Variants in ETV5 observed in about 807,000 individuals in gnomAD.
ETV5 encodes ETS translocation variant 5.
ETV5 carries 10 observed loss-of-function variants against 70.0 expected under a neutral mutation model. The observed-to-expected ratio is 0.14, with a 90% CI of 0.09 to 0.24. The LOEUF (loss-of-function observed/expected upper bound fraction) is 0.24. ETV5 is among the 10% of genes least tolerant of loss of function. ETV5 has a pLI of 1.00. For missense variants in ETV5, 453 were observed against 651.2 expected, an observed-to-expected ratio of 0.70 and a Z score of 3.31; for synonymous variants, 216 against 242.2, an observed-to-expected ratio of 0.89 and a Z score of 1.01.
intron 5 of ETV5, among the ~76,000 whole-genome samples, chr3:186,101,179 G>C (rs1714448511): frequency 1.3e-5 from 2 of 152,326 alleles, no homozygotes; most frequent in East Asian, 3.9e-4. Context: ...CAGTTACATA[G>C]ATATATACAC....
chr3:186,066,110 T>C, intron 7 of ETV5, 38 bp from the exon 8 acceptor site: 1 of 1,521,060 alleles, frequency 6.6e-7, no homozygotes, highest in Non-Finnish European at 8.8e-7. Context: ...GAACAAAGAC[T>C]TGATGAATTC....
At chr3:186,080,407 T>TGGGTGA (rs1713905255) in intron 6 of ETV5, among the ~76,000 whole-genome samples, 1 of 140,770 alleles carries the variant, frequency 7.1e-6, no homozygotes, top group African/African-American at 2.6e-5. Context: ...GTAGGGTGGG[T>TGGGTGA]GGGTGAGGGG....
intron 11 of ETV5, among the ~76,000 whole-genome samples, chr3:186,055,574 C>T (rs921480662): frequency 3.3e-5 from 5 of 152,204 alleles, no homozygotes; most frequent in African/African-American, 1.2e-4. Context: ...TTTCCATTCT[C>T]GTGAGTGAAT....
intron 7 of ETV5, among the ~76,000 whole-genome samples, chr3:186,069,151 T>C (rs1269168219): frequency 6.6e-6 from 1 of 152,216 alleles, no homozygotes; most frequent in Non-Finnish European, 1.5e-5. Flanking sequence ...CACAGCACAA[T>C]ATACTGCCTT....
chr3:186,077,437 T>G (rs1162522957), intron 7 of ETV5, among the ~76,000 whole-genome samples: 2 of 152,246 alleles, frequency 1.3e-5, no homozygotes, highest in African/African-American at 4.8e-5. Flanking sequence ...TCATTTTCTG[T>G]GTACTATCCA....
rs998329824 is a variant in ETV5, at chr3:186,048,356, G to T, written c.*283C>A. The T allele has an allele frequency of 1.4e-5, 7 of 485,404 alleles. No homozygotes were observed. Among genetic ancestry groups the T allele is most frequent in the Non-Finnish European group, 2.6e-5 (7 of 265,844 alleles). The allele number at this position is 485,404 out of a possible 1,614,324, so 30.1% of individuals were successfully genotyped here. ...AACAAGATATTGCTTTGCATGTATT[G>T]TCCATGGTAAGGAGACTCCATTTTG... On this transcript the variant is annotated 3_prime_UTR_variant, in exon 13 of 13. Transcript: ENST00000306376.
At chr3:186,092,598 A>T (rs1714208668) in intron 5 of ETV5, among the ~76,000 whole-genome samples, 1 of 151,034 alleles carries the variant, frequency 6.6e-6, no homozygotes. Flanking sequence ...ACACGCAGCT[A>T]CATTTTTTTT....
chr3:186,066,319 T>C (rs1349545585), intron 7 of ETV5, among the ~76,000 whole-genome samples: 2 of 149,534 alleles, frequency 1.3e-5, no homozygotes, highest in Admixed American at 1.3e-4. Flanking sequence ...CTTCCATGTA[T>C]GTATATTTTA....
chr3:186,072,816 T>C (rs994144077), intron 7 of ETV5, among the ~76,000 whole-genome samples: 1 of 152,210 alleles, frequency 6.6e-6, no homozygotes, highest in African/African-American at 2.4e-5. Context: ...TATCAGATGG[T>C]GAAAGTATTA....
intron 9 of ETV5, among the ~76,000 whole-genome samples, chr3:186,062,821 T>C (rs1309024286): frequency 2.6e-5 from 4 of 152,198 alleles, no homozygotes; most frequent in Admixed American, 2.6e-4. Context: ...TATATTTACA[T>C]ATGCACAGCA....
At chr3:186,097,489 A>T (rs1714332965) in intron 5 of ETV5, among the ~76,000 whole-genome samples, 1 of 152,218 alleles carries the variant, frequency 6.6e-6, no homozygotes, top group Non-Finnish European at 1.5e-5. Context: ...ACCCCACGGG[A>T]AGGAGATAAA....
intron 7 of ETV5, among the ~76,000 whole-genome samples, chr3:186,073,496 C>A (rs1451470459): frequency 6.6e-6 from 1 of 152,182 alleles, no homozygotes; most frequent in Non-Finnish European, 1.5e-5. Context: ...AACCCCAGAT[C>A]TGTCAGTCTG....
intron 9 of ETV5, among the ~76,000 whole-genome samples, chr3:186,058,460 G>A (rs1004980306): frequency 2.6e-5 from 4 of 152,194 alleles, no homozygotes; most frequent in African/African-American, 4.8e-5. Context: ...CCTGTGCTCC[G>A]TTTTCCTGTT....
intron 5 of ETV5, among the ~76,000 whole-genome samples, chr3:186,096,579 T>A (rs1714308472): frequency 6.6e-6 from 1 of 152,130 alleles, no homozygotes; most frequent in African/African-American, 2.4e-5. Flanking sequence ...GGCCTGTTCT[T>A]TTTTTAATAG....
chr3:186,108,309 C>G (rs1714645268), intron 1 of ETV5: 1 of 452,822 alleles, frequency 2.2e-6, no homozygotes, highest in Non-Finnish European at 4.4e-6. Context: ...TTCCGGTGCG[C>G]CCCGATTTTC....
intron 5 of ETV5, among the ~76,000 whole-genome samples, chr3:186,087,220 T>C (rs934302147): frequency 6.6e-6 from 1 of 152,138 alleles, no homozygotes; most frequent in Admixed American, 6.5e-5. Context: ...CTCACAAATA[T>C]GCTGAGCTAA....
chr3:186,053,986 A>G (rs1713096480), intron 11 of ETV5, among the ~76,000 whole-genome samples: 1 of 152,254 alleles, frequency 6.6e-6, no homozygotes, highest in Non-Finnish European at 1.5e-5. Context: ...CAATCCTTGA[A>G]TATTCTTCAA....
rs879356350 is a variant in ETV5, at chr3:186,052,701, A to C, written c.1210-570T>G. Among the ~76,000 whole-genome samples the C allele has an allele frequency of 1.3e-4, 20 of 152,218 alleles. No homozygotes were observed. Among genetic ancestry groups the C allele is most frequent in the Non-Finnish European group, 8.8e-5 (6 of 68,044 alleles). On this transcript the variant is annotated intron_variant, in intron 11 of 12. Transcript: ENST00000306376. This position sits in a 1 kb window ranked among gnomAD's most constrained non-coding sequence, Gnocchi z 4.5. ...CCCATGCTCCCAGCAGACTTGCAGA[A>C]TGGACATGAAAGCATGTAGCACCAT...
chr3:186,062,538 C>G (rs1369920012), intron 9 of ETV5, among the ~76,000 whole-genome samples: 5 of 152,166 alleles, frequency 3.3e-5, no homozygotes, highest in Admixed American at 6.5e-5. Context: ...AGGAGAATCA[C>G]TTGAACCCGG....
Sources: allele counts gnomAD v4.1 joint callset (sites outside exome capture counted in the v4.1 genomes callset), GRCh38; gene constraint gnomAD v4.1.1; non-coding constraint Gnocchi (gnomAD v3.1); transcripts MANE v1.5; gene names NCBI Gene and HGNC (gene_info 2026-07-23, HGNC 2026-07-21).